RAF1: variants seen among roughly 807,000 people sequenced by gnomAD.
The protein encoded by RAF1 is Raf-1 proto-oncogene, serine/threonine kinase.
Under a neutral mutation model 81.1 loss-of-function variants are expected in RAF1, and 27 were observed. The ratio of observed to expected loss-of-function variants is 0.33; its 90% confidence interval spans 0.25 to 0.46. RAF1 has a LOEUF of 0.46. RAF1 is among the 20% of genes least tolerant of loss of function. The pLI is 1.00. For missense variants in RAF1, 598 were observed against 826.0 expected, an observed-to-expected ratio of 0.72 and a Z score of 3.38; for synonymous variants, 298 against 294.0, an observed-to-expected ratio of 1.01 and a Z score of -0.14.
In RAF1 at chr3:12,585,135, T is replaced by C. The variant is rs775817988; in HGVS notation, c.1715A>G (p.Asn572Ser). 7 of 1,614,192 alleles carry C rather than the reference T, an allele frequency of 4.3e-6. No individual in the cohort carries two copies. The East Asian group carries it at 8.9e-5, about 21-fold the overall frequency. Residue 572 changes from asparagine to serine, a missense_variant, in exon 16 of 18, where the codon AAC (asparagine) becomes AGC (serine). Physicochemically the swap from Asn to Ser is conservative, Grantham distance 46. This residue lies in a region of RAF1 where 147 missense variants were observed against 196.1 expected (regional missense o/e 0.75). Transcript: ENST00000442415. ...GCACAGACTTACCTGATCTCGGTTG[T>C]TGATGTGAGAATAAGGAAGCTCCCC...
At position 12,664,111 on chromosome 3, in the gene RAF1, C is replaced by A; in HGVS notation, c.-325G>T. On this transcript the variant is annotated 5_prime_UTR_variant, in exon 1 of 18. Transcript: ENST00000442415. ...CATCTAAGATGGCGGCCCAAGCGCC[C>A]GCGATTAAGACTCTCGGGCGGCCCA... The A allele has an allele frequency of 2.5e-6, 1 of 398,328 alleles. No individual in the cohort carries two copies. Among genetic ancestry groups the A allele is most frequent in the Non-Finnish European group, 4.4e-6 (1 of 225,878 alleles). The allele number at this position is 398,328 out of a possible 1,614,324, so 24.7% of individuals were successfully genotyped here. A position where few individuals can be genotyped will look rare whatever the true frequency, so the allele number is the denominator to read the frequency against.
chr3:12,595,445 C>T (rs2058656291), intron 11 of RAF1, among the ~76,000 whole-genome samples: 3 of 152,136 alleles, frequency 2.0e-5, no homozygotes, highest in Admixed American at 6.5e-5. Flanking sequence ...TCTCTCATCA[C>T]ACTCATTTTC....
rs556682149 is a variant in RAF1, at chr3:12,654,187, T to C, written c.-27+9626A>G. Among the ~76,000 whole-genome samples the C allele has an allele frequency of 8.6e-5, 13 of 152,002 alleles. No homozygotes were observed. The South Asian group carries it at 2.5e-3, about 29-fold the overall frequency. On this transcript the variant is annotated intron_variant, in intron 1 of 17. Transcript: ENST00000442415. ...TTTGGTTTTAGAGATGGGGTCTCACTATGATGCCCAGGCTGGTTTTGAACT... is the reference window on the plus strand; with the variant it reads ...TTTGGTTTTAGAGATGGGGTCTCACCATGATGCCCAGGCTGGTTTTGAACT...
At chr3:12,658,272 TTAA>T (rs761090529) in intron 1 of RAF1, among the ~76,000 whole-genome samples, 1 of 152,182 alleles carries the variant, frequency 6.6e-6, no homozygotes, top group Non-Finnish European at 1.5e-5. Flanking sequence ...TTAATTATAA[TTAA>T]TAATGGAACA....
rs71063856 is a variant in RAF1, at chr3:12,642,671, TACACAC to T, written c.-27+21136_-27+21141del. Among the ~76,000 whole-genome samples the T allele has an allele frequency of 4.6e-3, 543 of 117,052 alleles. 3 individuals carry two copies. The highest frequency in any genetic ancestry group is 0.017 in the Middle Eastern group (4 of 230). The allele number at this position is 117,052 out of a possible 152,430, so 76.8% of individuals were successfully genotyped here. A position where few individuals can be genotyped will look rare whatever the true frequency, so the allele number is the denominator to read the frequency against. ...AGACAACACAGGGAGACACCATCTCTACACACACACACACACACACACACACACACA... is the reference window on the plus strand; with the variant it reads ...AGACAACACAGGGAGACACCATCTCTACACACACACACACACACACACACA... On this transcript the variant is annotated intron_variant, in intron 1 of 17. Coordinates refer to ENST00000442415, the MANE Select transcript of RAF1 (RefSeq NM_001354689.3).
At chr3:12,649,207 G>A (rs566378480) in intron 1 of RAF1, among the ~76,000 whole-genome samples, 2 of 152,314 alleles carry the variant, frequency 1.3e-5, no homozygotes, top group South Asian at 4.1e-4. Flanking sequence ...AAGAGTTACA[G>A]TAAGACACCT....
Position 12,609,213 on chromosome 3 carries a change from A to G in RAF1, c.423+20T>C. Reference sequence around the variant, plus strand: ...GCAAAGCCCTCAACATGCCAGAAAGAGAAGAGATCTGCAACTTACAAAGTT... The same window carrying G: ...GCAAAGCCCTCAACATGCCAGAAAGGGAAGAGATCTGCAACTTACAAAGTT... On this transcript the variant is annotated intron_variant, in intron 4 of 17. Coordinates refer to ENST00000442415, the MANE Select transcript of RAF1 (RefSeq NM_001354689.3). 1 of 1,561,310 alleles carries G rather than the reference A, an allele frequency of 6.4e-7. No individual in the cohort carries two copies. The highest frequency in any genetic ancestry group is 8.8e-7 in the Non-Finnish European group (1 of 1,131,992).
intron 1 of RAF1, among the ~76,000 whole-genome samples, chr3:12,653,337 C>T (rs2060591948): frequency 6.6e-6 from 1 of 152,060 alleles, no homozygotes; most frequent in African/African-American, 2.4e-5. Context: ...TCATAGCCAC[C>T]TCTTCTTTCT....
At chr3:12,624,894 A>AC (rs1409499225) in intron 1 of RAF1, among the ~76,000 whole-genome samples, 1 of 150,262 alleles carries the variant, frequency 6.7e-6, no homozygotes, top group Non-Finnish European at 1.5e-5. Flanking sequence ...TCAAAAAAAA[A>AC]AAAAAAAACA....
chr3:12,585,114 A>T lies in RAF1; in HGVS notation c.1728+8T>A, dbSNP rs2125321442. 1 of 1,614,182 alleles carries T rather than the reference A, an allele frequency of 6.2e-7. No homozygotes were observed. Among genetic ancestry groups the T allele is most frequent in the South Asian group, 1.1e-5 (1 of 91,076 alleles). Reference sequence around the variant, plus strand: ...GAGTTGGGTCCTTTCGCACCAGCACAGACTTACCTGATCTCGGTTGTTGAT... The same window carrying T: ...GAGTTGGGTCCTTTCGCACCAGCACTGACTTACCTGATCTCGGTTGTTGAT... On this transcript the variant is annotated splice_region_variant and intron_variant, in intron 16 of 17. Transcript: ENST00000442415.
rs2125396762 is a variant in RAF1, at chr3:12,604,124, G to A, written c.834+12C>T. On this transcript the variant is annotated intron_variant, in intron 7 of 17. Transcript: ENST00000442415. ...ATTGACTGACATTACCACCCCCAAG[G>A]TGCCCTATTACCTCAATCATCCTGC... is the stretch of plus-strand genomic sequence containing the variant. The A allele has an allele frequency of 6.2e-7, 1 of 1,613,886 alleles. No homozygotes were observed. The highest frequency in any genetic ancestry group is 8.5e-7 in the Non-Finnish European group (1 of 1,179,976).
At position 12,645,925 on chromosome 3, in the gene RAF1, C is replaced by G. The variant is rs558194148; in HGVS notation, c.-27+17888G>C. Among the ~76,000 whole-genome samples the G allele has an allele frequency of 2.6e-5, 4 of 152,138 alleles. No individual in the cohort carries two copies. In the South Asian group the frequency reaches 8.3e-4, roughly 32 times the overall value. On this transcript the variant is annotated intron_variant, in intron 1 of 17. Transcript: ENST00000442415. Reference sequence around the variant, plus strand: ...TGTTTGTAAATAATGCATCAGACCTCTGTGTGGAGGAAAGAAAAAGACTGT... The same window carrying G: ...TGTTTGTAAATAATGCATCAGACCTGTGTGTGGAGGAAAGAAAAAGACTGT...
chr3:12,627,443 T>A (rs989271582), intron 1 of RAF1, among the ~76,000 whole-genome samples: 1 of 152,180 alleles, frequency 6.6e-6, no homozygotes, highest in African/African-American at 2.4e-5. Flanking sequence ...AAAAAATTAC[T>A]ACATGGGCCT....
chr3:12,648,704 C>T (rs189991355), intron 1 of RAF1, among the ~76,000 whole-genome samples: 239 of 152,220 alleles, frequency 1.6e-3, no homozygotes, highest in African/African-American at 5.5e-3. Context: ...CGAGATCGCA[C>T]CACTGTCCTC....
chr3:12,596,631 A>G (rs1016851943), intron 11 of RAF1, among the ~76,000 whole-genome samples: 3 of 152,162 alleles, frequency 2.0e-5, no homozygotes, highest in Non-Finnish European at 2.9e-5. Context: ...CTTTACTTCC[A>G]TAAGTGGGTG....
chr3:12,629,627 T>C (rs2125492523), intron 1 of RAF1, among the ~76,000 whole-genome samples: 1 of 151,900 alleles, frequency 6.6e-6, no homozygotes, highest in Admixed American at 6.6e-5. Flanking sequence ...CTCACCAGGG[T>C]TTCATCACAC....
intron 14 of RAF1, chr3:12,587,172 C>T (rs1413008004): frequency 2.2e-5 from 4 of 185,586 alleles, no homozygotes; most frequent in Non-Finnish European, 4.5e-5. Flanking sequence ...AACCTTTCAA[C>T]ATTTGGCTTG....
chr3:12,587,837 C>CCTTTTTTTT, intron 13 of RAF1, 200 bp from the exon 13 acceptor site: 1 of 193,316 alleles, frequency 5.2e-6, no homozygotes, highest in Non-Finnish European at 1.0e-5. Context: ...ATGCTTACAC[C>CCTTTTTTTT]TTTTTTTTTT....
chr3:12,607,861 G>C (rs1182868719), intron 5 of RAF1, among the ~76,000 whole-genome samples: 1 of 140,280 alleles, frequency 7.1e-6, no homozygotes, highest in Non-Finnish European at 1.5e-5. Context: ...TGAGGCAGGA[G>C]AATCACTTGA....
Sources: allele counts gnomAD v4.1 joint callset (sites outside exome capture counted in the v4.1 genomes callset), GRCh38; gene constraint gnomAD v4.1.1; regional missense constraint gnomAD v4.1.1; transcripts MANE v1.5; gene names NCBI Gene and HGNC (gene_info 2026-07-23, HGNC 2026-07-21).